The following HNRNPC variants were observed in gnomAD, a reference collection of about 807,000 sequenced individuals.
HNRNPC encodes the protein heterogeneous nuclear ribonucleoproteins C1/C2.
Under a neutral mutation model 33.2 loss-of-function variants are expected in HNRNPC, and 3 were observed. That is an observed-to-expected ratio of 0.09 (90% CI 0.04 to 0.23). The LOEUF is 0.23. HNRNPC is among the 10% of genes least tolerant of loss of function. The probability of loss-of-function intolerance (pLI) is 1.00; values close to 1 mark genes in which losing one functional copy is unlikely to be tolerated. For missense variants in HNRNPC, 143 were observed against 366.7 expected, an observed-to-expected ratio of 0.39 and a Z score of 4.98; for synonymous variants, 121 against 126.7, an observed-to-expected ratio of 0.96 and a Z score of 0.30.
chr14:21,236,863 C>G (rs1304452293), intron 2 of HNRNPC, among the ~76,000 whole-genome samples: 1 of 152,128 alleles, frequency 6.6e-6, no homozygotes, highest in Non-Finnish European at 1.5e-5. Flanking sequence ...AATCACTATC[C>G]TACAGACAGC....
At chr14:21,233,906 G>A in intron 3 of HNRNPC, 47 bp downstream of exon 3, 4 of 1,579,286 alleles carry the variant, frequency 2.5e-6, no homozygotes, top group South Asian at 2.4e-5. Flanking sequence ...AACGTGAATA[G>A]AAAAACTCAG....
At chr14:21,215,605 A>C (rs761549059) in intron 5 of HNRNPC, among the ~76,000 whole-genome samples, 14 of 152,254 alleles carry the variant, frequency 9.2e-5, no homozygotes, top group Non-Finnish European at 1.9e-4. Flanking sequence ...GAACAGATTA[A>C]GACAAAATAC....
intron 2 of HNRNPC, among the ~76,000 whole-genome samples, chr14:21,253,792 G>A (rs1440460144): frequency 2.6e-5 from 4 of 152,192 alleles, no homozygotes; most frequent in Admixed American, 1.3e-4. Flanking sequence ...GCGGCCAGGC[G>A]CGGTGGCTCA....
intron 2 of HNRNPC, among the ~76,000 whole-genome samples, chr14:21,243,698 C>A (rs1458040975): frequency 6.6e-6 from 1 of 152,120 alleles, no homozygotes; most frequent in Admixed American, 6.6e-5. Flanking sequence ...GACGGTAGGT[C>A]CCTATATCTG....
intron 2 of HNRNPC, among the ~76,000 whole-genome samples, chr14:21,256,957 A>G (rs954860748): frequency 1.3e-5 from 2 of 152,150 alleles, no homozygotes; most frequent in Non-Finnish European, 2.9e-5. Flanking sequence ...CCTGGCCAAC[A>G]TGATTTTCTA....
intron 5 of HNRNPC, among the ~76,000 whole-genome samples, chr14:21,218,004 T>C (rs1169847106): frequency 6.6e-6 from 1 of 152,134 alleles, no homozygotes; most frequent in Non-Finnish European, 1.5e-5. Flanking sequence ...TCATCAATTC[T>C]GAAACTTGAC....
chr14:21,235,170 A>G (rs1445459131), intron 2 of HNRNPC, among the ~76,000 whole-genome samples: 2 of 152,112 alleles, frequency 1.3e-5, no homozygotes, highest in African/African-American at 4.8e-5. Flanking sequence ...AAAATGTTTT[A>G]TTTCATTCTT....
intron 2 of HNRNPC, chr14:21,234,780 A>G (rs191678574): frequency 1.4e-5 from 2 of 147,460 alleles, no homozygotes; most frequent in Admixed American, 1.4e-4. Context: ...CATTAAGTAT[A>G]ATTTTCTTCA....
intron 2 of HNRNPC, chr14:21,262,587 C>T (rs1302526253): frequency 1.3e-5 from 2 of 152,240 alleles, no homozygotes; most frequent in Non-Finnish European, 2.9e-5. Flanking sequence ...CCAAGTGGAC[C>T]TCACACCTCT....
chr14:21,227,633 T>C (rs980478178), intron 5 of HNRNPC, among the ~76,000 whole-genome samples: 2 of 152,230 alleles, frequency 1.3e-5, no homozygotes, highest in Non-Finnish European at 2.9e-5. Flanking sequence ...TCTGTGAAGA[T>C]ATTTCTGCAA....
Position 21,212,942 on chromosome 14 carries a change from A to G in HNRNPC, c.523+18T>C. ...AAACACAAGAGATACCAAAATCACA[A>G]AATGAAATAATACATACACTTTCCA... On this transcript the variant is annotated intron_variant, in intron 6 of 8. Coordinates refer to ENST00000553300, the MANE Select transcript of HNRNPC (RefSeq NM_004500.4). 3 of 1,613,322 alleles carry G rather than the reference A, an allele frequency of 1.9e-6. No individual in the cohort carries two copies. Among genetic ancestry groups the G allele is most frequent in the Non-Finnish European group, 2.5e-6 (3 of 1,179,774 alleles).
intron 5 of HNRNPC, among the ~76,000 whole-genome samples, chr14:21,222,877 G>A (rs978544240): frequency 6.6e-6 from 1 of 151,996 alleles, no homozygotes; most frequent in Non-Finnish European, 1.5e-5. Flanking sequence ...CTGGGCGACA[G>A]AGGGAGACTC....
intron 3 of HNRNPC, among the ~76,000 whole-genome samples, chr14:21,232,368 A>C (rs1894209136): frequency 6.6e-6 from 1 of 152,028 alleles, no homozygotes. Context: ...ACCTCAAACC[A>C]TTAACTAGAT....
chr14:21,221,378 A>G (rs577369891), intron 5 of HNRNPC, among the ~76,000 whole-genome samples: 2 of 152,304 alleles, frequency 1.3e-5, no homozygotes, highest in South Asian at 2.1e-4. Flanking sequence ...ATCCAATTCT[A>G]TAGTCACTAG....
At chr14:21,211,677 A>C in intron 7 of HNRNPC, 111 bp from the exon 8 acceptor site, 1 of 1,409,424 alleles carries the variant, frequency 7.1e-7, no homozygotes, top group Non-Finnish European at 9.8e-7. Flanking sequence ...TCCCACACAA[A>C]TACCCTTCCC....
chr14:21,239,273 G>A (rs532470129), intron 2 of HNRNPC, among the ~76,000 whole-genome samples: 4 of 151,914 alleles, frequency 2.6e-5, no homozygotes, highest in South Asian at 2.1e-4. Context: ...AGGTCAGAAC[G>A]AGACAGTATC....
intron 5 of HNRNPC, among the ~76,000 whole-genome samples, chr14:21,219,903 G>C (rs1892634428): frequency 6.6e-6 from 1 of 152,114 alleles, no homozygotes. Context: ...AATTCCAGTT[G>C]TCCAGACAAA....
intron 2 of HNRNPC, among the ~76,000 whole-genome samples, chr14:21,255,678 C>T (rs1877058343): frequency 1.3e-5 from 2 of 152,200 alleles, no homozygotes; most frequent in African/African-American, 2.4e-5. Context: ...TTATAATAGT[C>T]TTAAGCACAT....
chr14:21,213,024 T>A lies in HNRNPC; in HGVS notation c.459A>T (p.Ser153=). 1.2e-6 allele frequency: 2 copies of A among 1,613,906 alleles called. No individual in the cohort carries two copies. The highest frequency in any genetic ancestry group is 1.7e-6 in the Non-Finnish European group (2 of 1,179,848). ...AATTGAAGCCACTTTTGCCCCTTCG[T>A]GAAGTGTTTCCTGATACACGCTGAC... The part of the protein sequence containing the change: ...SKRQRVSGNT[S]RRGKSGFNSK... Residue 153 remains serine, a synonymous_variant, in exon 6 of 9, where the codon TCA becomes TCT. Coordinates refer to ENST00000553300, the MANE Select transcript of HNRNPC (RefSeq NM_004500.4).
Sources: allele counts gnomAD v4.1 joint callset (sites outside exome capture counted in the v4.1 genomes callset), GRCh38; gene constraint gnomAD v4.1.1; transcripts MANE v1.5; gene names NCBI Gene and HGNC (gene_info 2026-07-23, HGNC 2026-07-21).